Variants in CBFA2T2 observed in about 807,000 individuals in gnomAD.
CBFA2T2 encodes protein CBFA2T2.
In CBFA2T2, 11 loss-of-function variants were observed where a neutral mutation model predicts 62.2. The ratio of observed to expected loss-of-function variants is 0.18; its 90% CI spans 0.11 to 0.29. CBFA2T2 has a LOEUF of 0.29. CBFA2T2 is among the 10% of genes least tolerant of loss of function. CBFA2T2 has a pLI of 1.00. For synonymous variants in CBFA2T2, 295 were observed against 287.5 expected, an observed-to-expected ratio of 1.03 and a Z score of -0.27; for missense variants, 592 against 774.1, an observed-to-expected ratio of 0.76 and a Z score of 2.79.
chr20:33,567,615 T>G (rs2013383641), intron 1 of CBFA2T2, among the ~76,000 whole-genome samples: 1 of 151,794 alleles, frequency 6.6e-6, no homozygotes, highest in South Asian at 2.1e-4. Context: ...GGAGCTTCAC[T>G]CTTGTTGCCC....
intron 1 of CBFA2T2, among the ~76,000 whole-genome samples, chr20:33,493,794 C>G (rs1332466501): frequency 2.6e-5 from 2 of 76,860 alleles, no homozygotes; most frequent in African/African-American, 7.5e-5. Flanking sequence ...AGCCACCATA[C>G]CTGGCCACCT....
At position 33,555,972 on chromosome 20, in the gene CBFA2T2, C is replaced by T. The variant is rs373946159; in HGVS notation, c.35-50984C>T. 5.3e-5 allele frequency among the ~76,000 whole-genome samples: 8 copies of T among 152,310 alleles called. No homozygotes were observed. In the East Asian group the frequency reaches 1.2e-3, roughly 22 times the overall value. ...CCTTGACCTCCTGGACTCAGGCAAT[C>T]CCCCAACCTCAGCCTCCTGAATACT... On this transcript the variant is annotated intron_variant, in intron 1 of 10. Transcript: ENST00000342704.
At chr20:33,547,946 C>G (rs543483678) in intron 1 of CBFA2T2, among the ~76,000 whole-genome samples, 3 of 152,020 alleles carry the variant, frequency 2.0e-5, no homozygotes, top group Admixed American at 6.6e-5. Context: ...GTTTTGTTTT[C>G]TTTTCTTTTT....
chr20:33,640,223 T>C, intron 9 of CBFA2T2, 118 bp from the exon 10 acceptor site: 1 of 927,038 alleles, frequency 1.1e-6, no homozygotes, highest in South Asian at 1.7e-5. Flanking sequence ...CATGTGTTCC[T>C]CCCTGTGGAG....
intron 1 of CBFA2T2, among the ~76,000 whole-genome samples, chr20:33,509,373 T>C (rs763781706): frequency 6.0e-5 from 9 of 151,244 alleles, no homozygotes; most frequent in Non-Finnish European, 1.2e-4. Flanking sequence ...TCTCAAAAAA[T>C]AAAAAATAAA....
chr20:33,531,548 A>C (rs2012063433), intron 1 of CBFA2T2, among the ~76,000 whole-genome samples: 2 of 152,198 alleles, frequency 1.3e-5, no homozygotes, highest in Admixed American at 6.5e-5. Context: ...AGACCTTCCT[A>C]ATAATTTCTG....
At chr20:33,567,014 C>T (rs1382771961) in intron 1 of CBFA2T2, among the ~76,000 whole-genome samples, 1 of 152,158 alleles carries the variant, frequency 6.6e-6, no homozygotes, top group Non-Finnish European at 1.5e-5. Flanking sequence ...TTAATTTTCC[C>T]TCCAAGTTCA....
Position 33,649,841 on chromosome 20 carries a change from G to A in CBFA2T2, c.*5195G>A, listed in dbSNP as rs1006081490. Reference sequence around the variant, plus strand: ...CGCGTGGTTTTTAAAGGGGGATGATGAATGTGACACCACCCACAGAATGCA... The same window carrying A: ...CGCGTGGTTTTTAAAGGGGGATGATAAATGTGACACCACCCACAGAATGCA... On this transcript the variant is annotated 3_prime_UTR_variant, in exon 11 of 11. Coordinates refer to ENST00000342704, the MANE Select transcript of CBFA2T2 (RefSeq NM_001032999.3). The A allele has an allele frequency of 2.0e-5, 3 of 152,614 alleles. No individual in the cohort carries two copies. Among genetic ancestry groups the A allele is most frequent in the African/African-American group, 7.2e-5 (3 of 41,432 alleles). 9.5% of individuals were successfully genotyped at this position (152,614 alleles called of 1,614,324 possible). A position where few individuals can be genotyped will look rare whatever the true frequency, so the allele number is the denominator to read the frequency against.
At chr20:33,570,933 G>A (rs151313340) in intron 1 of CBFA2T2, among the ~76,000 whole-genome samples, 1 of 152,328 alleles carries the variant, frequency 6.6e-6, no homozygotes, top group African/African-American at 2.4e-5. Flanking sequence ...AAGTAGAGAA[G>A]CATGGCAAAT....
intron 1 of CBFA2T2, among the ~76,000 whole-genome samples, chr20:33,513,966 T>C (rs2011554223): frequency 6.6e-6 from 1 of 151,304 alleles, no homozygotes; most frequent in Non-Finnish European, 1.5e-5. Flanking sequence ...AGTGGTGCGA[T>C]CTCGGCTCAC....
intron 8 of CBFA2T2, among the ~76,000 whole-genome samples, chr20:33,633,710 G>A (rs1159448268): frequency 2.4e-4 from 37 of 152,114 alleles, no homozygotes; most frequent in Non-Finnish European, 4.3e-4. Context: ...CTGGCTGTGT[G>A]GGTGGAGGGT....
chr20:33,595,745 G>A (rs1391972686), intron 1 of CBFA2T2, among the ~76,000 whole-genome samples: 2 of 151,476 alleles, frequency 1.3e-5, no homozygotes, highest in East Asian at 1.9e-4. Flanking sequence ...TTGCCATGTT[G>A]GCCAGGCTGG....
chr20:33,644,899 TC>T lies in CBFA2T2; in HGVS notation c.*255del, dbSNP rs2016996576. 1.2e-5 allele frequency: 6 copies of T among 497,350 alleles called. No homozygotes were observed. In the South Asian group the frequency reaches 1.8e-4, roughly 15 times the overall value. 30.8% of individuals were successfully genotyped at this position (497,350 alleles called of 1,614,324 possible). On this transcript the variant is annotated 3_prime_UTR_variant, in exon 11 of 11. Coordinates refer to ENST00000342704, the MANE Select transcript of CBFA2T2 (RefSeq NM_001032999.3). ...CTCCTCCATGGCTTTCCTGGTTTGT[TC>T]CTCTCTCCACTGAAGCTGACTTAGC...
chr20:33,630,260 T>C (rs2016401120), intron 8 of CBFA2T2, among the ~76,000 whole-genome samples: 1 of 152,118 alleles, frequency 6.6e-6, no homozygotes, highest in East Asian at 1.9e-4. Context: ...GTACTTGGCG[T>C]GTTCAAAAAA....
intron 1 of CBFA2T2, chr20:33,574,397 G>A (rs562016852): frequency 4.4e-5 from 29 of 656,362 alleles, no homozygotes; most frequent in South Asian, 3.9e-4. Context: ...AGGCCAAGGC[G>A]GGTGGATCAC....
chr20:33,575,139 T>G (rs930380302), intron 1 of CBFA2T2, among the ~76,000 whole-genome samples: 1 of 152,234 alleles, frequency 6.6e-6, no homozygotes. Context: ...GCAGACTGAC[T>G]GCTATGCGAG....
intron 1 of CBFA2T2, among the ~76,000 whole-genome samples, chr20:33,567,118 C>G (rs1600980588): frequency 6.6e-6 from 1 of 152,182 alleles, no homozygotes; most frequent in South Asian, 2.1e-4. Context: ...GATGGACTTT[C>G]CAAACAGCAT....
Position 33,644,525 on chromosome 20 carries a change from G to T in CBFA2T2, c.1667G>T (p.Gly556Val). Residue 556 changes from glycine (G) to valine (V), a missense_variant, in exon 11 of 11, where the codon GGC becomes GTC. By Grantham distance (109) the Gly-to-Val change is moderately radical (BLOSUM62 -3). Coordinates refer to ENST00000342704, the MANE Select transcript of CBFA2T2 (RefSeq NM_001032999.3). ...QGRPLLPVGRGSSARSADCSV... is the reference protein window; with the variant it reads ...QGRPLLPVGRVSSARSADCSV... ...CGGCCGCTGCTTCCTGTAGGCAGGG[G>T]CTCCTCTGCCAGGTCCGCCGACTGC... 2 of 1,614,024 alleles carry T rather than the reference G, an allele frequency of 1.2e-6. No individual in the cohort carries two copies. The highest frequency in any genetic ancestry group is 8.5e-7 in the Non-Finnish European group (1 of 1,180,016).
At position 33,623,272 on chromosome 20, in the gene CBFA2T2, A is replaced by G. The variant is rs374071030; in HGVS notation, c.668A>G (p.Asn223Ser). ...GAGTTGCTCATGGAGGTGCACGGAA[A>G]TGGGAAGAGGCCCAGTCCAGAGAGG... ...SSELLMEVHG[N>S]GKRPSPERRE... Residue 223 changes from asparagine (N) to serine (S), a missense_variant, in exon 5 of 11, where the codon AAT becomes AGT. This residue lies in a region of CBFA2T2 where 449 missense variants were observed against 551.2 expected (regional missense o/e 0.81). Transcript: ENST00000342704. The G allele has an allele frequency of 2.0e-5, 33 of 1,614,128 alleles. No homozygotes were observed. Among genetic ancestry groups the G allele is most frequent in the African/African-American group, 2.7e-5 (2 of 74,948 alleles).
Sources: allele counts gnomAD v4.1 joint callset (sites outside exome capture counted in the v4.1 genomes callset), GRCh38; gene constraint gnomAD v4.1.1; regional missense constraint gnomAD v4.1.1; transcripts MANE v1.5; gene names NCBI Gene and HGNC (gene_info 2026-07-23, HGNC 2026-07-21).